CCDC91: variants seen among roughly 807,000 people sequenced by gnomAD.
CCDC91 encodes coiled-coil domain containing 91.
Under a neutral mutation model 63.2 loss-of-function variants are expected in CCDC91, and 48 were observed. The ratio of observed to expected loss-of-function variants is 0.76; its 90% CI spans 0.60 to 0.97. CCDC91 has a LOEUF of 0.97. Ranked by LOEUF, CCDC91 falls within the 50% of genes least tolerant of loss-of-function variation. The pLI is 0.00. For missense variants in CCDC91, 500 were observed against 494.6 expected, an observed-to-expected ratio of 1.01 and a Z score of -0.10; for synonymous variants, 167 against 165.8, an observed-to-expected ratio of 1.01 and a Z score of -0.06.
intron 12 of CCDC91, among the ~76,000 whole-genome samples, chr12:28,495,470 C>G (rs950726953): frequency 4.0e-5 from 6 of 151,630 alleles, no homozygotes; most frequent in Admixed American, 2.6e-4. Flanking sequence ...CTAGCAGTAA[C>G]AGTAACCATT....
chr12:28,477,505 A>G (rs958553391), intron 11 of CCDC91, among the ~76,000 whole-genome samples: 14 of 152,148 alleles, frequency 9.2e-5, no homozygotes, highest in African/African-American at 3.1e-4. Context: ...CCCACAGCCA[A>G]TATCATACGG....
chr12:28,247,017 G>A (rs1223904701), intron 1 of CCDC91, among the ~76,000 whole-genome samples: 1 of 152,200 alleles, frequency 6.6e-6, no homozygotes, highest in African/African-American at 2.4e-5. Flanking sequence ...CCTCTGATCA[G>A]CCTGTTCATT....
At chr12:28,236,454 G>A (rs570364139) in intron 1 of CCDC91, 4 of 151,750 alleles carry the variant, frequency 2.6e-5, no homozygotes, top group East Asian at 3.9e-4. Context: ...TATTTTAGTC[G>A]AGTAAAGTAT....
intron 7 of CCDC91, among the ~76,000 whole-genome samples, chr12:28,376,126 A>T (rs954388960): frequency 1.3e-5 from 2 of 151,890 alleles, no homozygotes; most frequent in African/African-American, 4.8e-5. Context: ...TTTTTTAAAA[A>T]AAATTCTATT....
intron 2 of CCDC91, 131 bp downstream of exon 2, chr12:28,257,376 TAAA>T: frequency 1.6e-6 from 1 of 611,466 alleles, no homozygotes; most frequent in Non-Finnish European, 2.9e-6. Flanking sequence ...AATTCTGGAG[TAAA>T]AAGATGAAAT....
At position 28,549,364 on chromosome 12, in the gene CCDC91, A is replaced by G; in HGVS notation, c.*191A>G. 6.9e-6 allele frequency: 3 copies of G among 433,988 alleles called. No homozygotes were observed. Among genetic ancestry groups the G allele is most frequent in the Non-Finnish European group, 8.4e-6 (2 of 237,362 alleles). The allele number at this position is 433,988 out of a possible 1,614,324, so 26.9% of individuals were successfully genotyped here. A position where few individuals can be genotyped will look rare whatever the true frequency, so the allele number is the denominator to read the frequency against. On this transcript the variant is annotated 3_prime_UTR_variant, in exon 13 of 13. Coordinates refer to ENST00000536442, the MANE Select transcript of CCDC91 (RefSeq NM_018318.5). ...TTTATTTTCTTTTGGTTTCTTCTTT[A>G]CATTTACTGTTATTTTATTATTATT...
intron 1 of CCDC91, among the ~76,000 whole-genome samples, chr12:28,253,184 G>A (rs759566656): frequency 6.6e-6 from 1 of 152,156 alleles, no homozygotes; most frequent in African/African-American, 2.4e-5. Flanking sequence ...TTTGTGGAAC[G>A]TCTGATAAGG....
At chr12:28,197,785 T>C (rs1487294759) in intron 1 of CCDC91, among the ~76,000 whole-genome samples, 1 of 152,134 alleles carries the variant, frequency 6.6e-6, no homozygotes, top group East Asian at 1.9e-4. Flanking sequence ...CTGAAATGTT[T>C]GTCCAAATTT....
rs1218242757 is a variant in CCDC91 at position 28,421,119 on chromosome 12, G to A, written c.763-29042G>A. On this transcript the variant is annotated intron_variant, in intron 8 of 12. Coordinates refer to ENST00000536442, the MANE Select transcript of CCDC91 (RefSeq NM_018318.5). Reference sequence around the variant, plus strand: ...ATTTTAAGACATTTTAGCATATACTGTGAAAATTCTTTGTATACCAATTTA... The same window carrying A: ...ATTTTAAGACATTTTAGCATATACTATGAAAATTCTTTGTATACCAATTTA... Among the ~76,000 whole-genome samples, 6 of 152,112 alleles carry A rather than the reference G, an allele frequency of 3.9e-5. No individual in the cohort carries two copies. The East Asian group carries it at 1.2e-3, about 29-fold the overall frequency.
chr12:28,491,571 T>C (rs1952004636), intron 12 of CCDC91, among the ~76,000 whole-genome samples: 1 of 151,794 alleles, frequency 6.6e-6, no homozygotes, highest in South Asian at 2.1e-4. Flanking sequence ...GGATGGACTT[T>C]TGGTTTCTGT....
chr12:28,342,349 G>A (rs981359858), intron 6 of CCDC91, among the ~76,000 whole-genome samples: 2 of 152,124 alleles, frequency 1.3e-5, no homozygotes, highest in African/African-American at 4.8e-5. Context: ...TTAAGCCACC[G>A]AGTTTATAGT....
chr12:28,233,449 C>G (rs553562588), intron 1 of CCDC91, among the ~76,000 whole-genome samples: 2 of 152,128 alleles, frequency 1.3e-5, no homozygotes, highest in East Asian at 1.9e-4. Flanking sequence ...GAGAACATCT[C>G]CTTGTTATTG....
intron 8 of CCDC91, among the ~76,000 whole-genome samples, chr12:28,437,942 T>C (rs1948994406): frequency 2.0e-5 from 3 of 152,132 alleles, no homozygotes; most frequent in Admixed American, 2.0e-4. Flanking sequence ...TACCATATAA[T>C]TTATGAAAGT....
At chr12:28,191,097 C>A (rs1382970007) in intron 1 of CCDC91, 3 of 152,288 alleles carry the variant, frequency 2.0e-5, no homozygotes, top group African/African-American at 7.2e-5. Context: ...CTTAGAGTTT[C>A]TTGGGCCACA....
intron 3 of CCDC91, among the ~76,000 whole-genome samples, chr12:28,265,415 G>T (rs1947119167): frequency 6.6e-6 from 1 of 152,024 alleles, no homozygotes; most frequent in South Asian, 2.1e-4. Context: ...AACCAAATAA[G>T]TTAGATGTGG....
At chr12:28,416,495 G>A (rs1473953553) in intron 8 of CCDC91, among the ~76,000 whole-genome samples, 1 of 152,112 alleles carries the variant, frequency 6.6e-6, no homozygotes, top group Non-Finnish European at 1.5e-5. Context: ...AACAAGAGGG[G>A]ATGTATCGGC....
At chr12:28,538,845 C>T (rs1942401503) in intron 12 of CCDC91, among the ~76,000 whole-genome samples, 1 of 152,182 alleles carries the variant, frequency 6.6e-6, no homozygotes, top group Middle Eastern at 3.2e-3. Context: ...ATTTGCATTT[C>T]TCTGATGGCC....
At chr12:28,367,914 G>A (rs1944377522) in intron 7 of CCDC91, among the ~76,000 whole-genome samples, 1 of 152,104 alleles carries the variant, frequency 6.6e-6, no homozygotes, top group African/African-American at 2.4e-5. Context: ...GACCTTCCCT[G>A]AACAGGAAAG....
At chr12:28,196,987 T>C (rs1222068552) in intron 1 of CCDC91, among the ~76,000 whole-genome samples, 1 of 152,200 alleles carries the variant, frequency 6.6e-6, no homozygotes, top group East Asian at 1.9e-4. Flanking sequence ...GATTTTCTTA[T>C]TGTTAAATAG....
Sources: allele counts gnomAD v4.1 joint callset (sites outside exome capture counted in the v4.1 genomes callset), GRCh38; gene constraint gnomAD v4.1.1; transcripts MANE v1.5; gene names NCBI Gene and HGNC (gene_info 2026-07-23, HGNC 2026-07-21).